The following LRP1B variants were observed in gnomAD, a reference collection of about 807,000 sequenced individuals.
LRP1B encodes LDL receptor related protein 1B, also known as low-density lipoprotein receptor-related protein 1B.
A neutral mutation model predicts 556.6 loss-of-function variants in LRP1B; 217 were observed. The observed-to-expected ratio is 0.39, with a 90% CI of 0.35 to 0.44. LRP1B has a LOEUF of 0.44. Ranked by LOEUF, LRP1B falls within the 20% of genes least tolerant of loss-of-function variation. The pLI, the probability that LRP1B is intolerant of heterozygous loss-of-function variation, is 1.00. For missense variants in LRP1B, 5,053 were observed against 5,620.8 expected (o/e 0.90, Z 3.23); for synonymous variants, 2,047 against 1,865.8 (o/e 1.10, Z -2.50).
At chr2:141,917,062 C>T (rs1226677672) in intron 1 of LRP1B, among the ~76,000 whole-genome samples, 2 of 152,066 alleles carry the variant, frequency 1.3e-5, no homozygotes, top group Non-Finnish European at 2.9e-5. Flanking sequence ...ATATGAATCA[C>T]AGATAGCAAT....
At chr2:141,808,306 C>A (rs982091045) in intron 2 of LRP1B, among the ~76,000 whole-genome samples, 6 of 152,034 alleles carry the variant, frequency 3.9e-5, no homozygotes, top group South Asian at 2.1e-4. Context: ...AGGATCAGGG[C>A]AGAATGCAAG....
At chr2:140,373,950 C>T (rs925784011) in intron 68 of LRP1B, among the ~76,000 whole-genome samples, 6 of 152,204 alleles carry the variant, frequency 3.9e-5, no homozygotes, top group East Asian at 1.9e-4. Context: ...CTCTCTCCAT[C>T]TCTTTTCCTT....
At chr2:140,843,882 T>C (rs1341864721) in intron 29 of LRP1B, among the ~76,000 whole-genome samples, 2 of 152,162 alleles carry the variant, frequency 1.3e-5, no homozygotes, top group African/African-American at 4.8e-5. Context: ...ATGTGTCTTT[T>C]TGGCCCCTCT....
intron 84 of LRP1B, among the ~76,000 whole-genome samples, chr2:140,296,386 A>C (rs1209567590): frequency 6.6e-6 from 1 of 152,202 alleles, no homozygotes; most frequent in African/African-American, 2.4e-5. Context: ...AGTATTTCAG[A>C]TAAGGGATAT....
At chr2:140,550,686 T>G (rs1234651493) in intron 43 of LRP1B, among the ~76,000 whole-genome samples, 2 of 152,158 alleles carry the variant, frequency 1.3e-5, no homozygotes, top group Non-Finnish European at 2.9e-5. Flanking sequence ...ATTGGAAATC[T>G]GAAACGACTG....
chr2:141,464,606 A>ATATATATTTTTTTTTTTTTTTTTTTT, intron 3 of LRP1B, among the ~76,000 whole-genome samples: 1 of 90,544 alleles, frequency 1.1e-5, no homozygotes, highest in African/African-American at 4.3e-5. Flanking sequence ...ATATATATAT[A>ATATATATTTTTTTTTTTTTTTTTTTT]TTTTTTTAGT....
chr2:141,937,483 A>G (rs187560750), intron 1 of LRP1B, among the ~76,000 whole-genome samples: 1 of 151,856 alleles, frequency 6.6e-6, no homozygotes, highest in African/African-American at 2.4e-5. Flanking sequence ...CTTCAAATGT[A>G]TGGATTGAGA....
rs1256371532 is a variant in LRP1B, at chr2:140,614,375, CTGAG to C, written c.6800-12740_6800-12737del. ...GGTTTAAGATTGTTTATTAACTTTA[CTGAG>C]TAAATTTTTTTTCTTCCTAGGAGTA... On this transcript the variant is annotated intron_variant, in intron 41 of 90. Coordinates refer to ENST00000389484, the MANE Select transcript of LRP1B (RefSeq NM_018557.3). Among the ~76,000 whole-genome samples the C allele has an allele frequency of 2.0e-5, 3 of 151,638 alleles. No individual in the cohort carries two copies. The East Asian group carries it at 5.8e-4, about 29-fold the overall frequency.
At chr2:141,664,184 A>C (rs1044018202) in intron 2 of LRP1B, among the ~76,000 whole-genome samples, 1 of 152,192 alleles carries the variant, frequency 6.6e-6, no homozygotes. Context: ...GATAAAATTC[A>C]ATGTCCCTTC....
chr2:140,536,611 C>CTTT lies in LRP1B; in HGVS notation c.7609_7611dup (p.Lys2537dup). On this transcript the variant is annotated inframe_insertion, in exon 46 of 91. Coordinates refer to ENST00000389484, the MANE Select transcript of LRP1B (RefSeq NM_018557.3). ...TAGAGCAGTTTTTCATCTGATTTAT[C>CTTT]TTTACAGTGAGGAATGCCATCACAG... 1 of 1,611,004 alleles carries CTTT rather than the reference C, an allele frequency of 6.2e-7. No homozygotes were observed. The highest frequency in any genetic ancestry group is 8.5e-7 in the Non-Finnish European group (1 of 1,178,916).
At chr2:140,700,923 T>A (rs2105423231) in intron 40 of LRP1B, among the ~76,000 whole-genome samples, 1 of 152,254 alleles carries the variant, frequency 6.6e-6, no homozygotes, top group East Asian at 1.9e-4. Context: ...ACTTGATACT[T>A]ATAGTGTTTC....
chr2:141,031,858 CA>C (rs1307287291), intron 11 of LRP1B, among the ~76,000 whole-genome samples: 1 of 151,338 alleles, frequency 6.6e-6, no homozygotes, highest in Non-Finnish European at 1.5e-5. Context: ...TTTTTTTAAG[CA>C]ATCATCCATG....
At chr2:141,098,872 G>A (rs1441112291) in intron 7 of LRP1B, among the ~76,000 whole-genome samples, 1 of 152,090 alleles carries the variant, frequency 6.6e-6, no homozygotes, top group Non-Finnish European at 1.5e-5. Flanking sequence ...GGTCAGGCTG[G>A]TCTTGAACTC....
chr2:140,781,866 T>C (rs574245223), intron 32 of LRP1B, among the ~76,000 whole-genome samples: 1 of 152,318 alleles, frequency 6.6e-6, no homozygotes, highest in Non-Finnish European at 1.5e-5. Context: ...TGATTTTGTA[T>C]TTAATGGTTG....
At chr2:140,267,109 C>T (rs1166607068) in intron 86 of LRP1B, among the ~76,000 whole-genome samples, 1 of 152,004 alleles carries the variant, frequency 6.6e-6, no homozygotes, top group Non-Finnish European at 1.5e-5. Flanking sequence ...AACAGTCTAA[C>T]TTCACACATA....
intron 68 of LRP1B, among the ~76,000 whole-genome samples, chr2:140,373,420 A>C (rs16843865): frequency 0.023 from 3,454 of 152,252 alleles, 50 homozygotes; most frequent in African/African-American, 0.036. Flanking sequence ...AAGCCCATGA[A>C]TATACAACAG....
intron 3 of LRP1B, among the ~76,000 whole-genome samples, chr2:141,447,463 G>A (rs1681238935): frequency 6.6e-6 from 1 of 151,980 alleles, no homozygotes; most frequent in Admixed American, 6.6e-5. Flanking sequence ...TTGCTGGTGA[G>A]GAGTTGTGAT....
chr2:141,674,249 G>C (rs578052981), intron 2 of LRP1B, among the ~76,000 whole-genome samples: 2 of 152,064 alleles, frequency 1.3e-5, no homozygotes, highest in Non-Finnish European at 2.9e-5. Flanking sequence ...TTATGAATTT[G>C]AATTGGTCTC....
intron 25 of LRP1B, among the ~76,000 whole-genome samples, chr2:140,874,852 C>T (rs901330497): frequency 1.3e-5 from 2 of 151,484 alleles, no homozygotes; most frequent in Non-Finnish European, 2.9e-5. Context: ...AATCTCATCT[C>T]TACTAAAAAT....
Sources: allele counts gnomAD v4.1 joint callset (sites outside exome capture counted in the v4.1 genomes callset), GRCh38; gene constraint gnomAD v4.1.1; transcripts MANE v1.5; gene names NCBI Gene and HGNC (gene_info 2026-07-23, HGNC 2026-07-21).